ELP5: variants seen among roughly 807,000 people sequenced by gnomAD.
ELP5 encodes the protein elongator complex protein 5.
In ELP5, 34 loss-of-function variants were observed where a neutral mutation model predicts 33.4. The observed-to-expected ratio is 1.02, with a 90% CI of 0.78 to 1.36. ELP5 has a LOEUF of 1.36. Ranked by LOEUF, ELP5 falls within the 40% of genes most tolerant of loss-of-function variation. ELP5 has a pLI of 0.00. For synonymous variants in ELP5, 161 were observed against 146.4 expected, an observed-to-expected ratio of 1.10 and a Z score of -0.72; for missense variants, 373 against 371.7, an observed-to-expected ratio of 1.00 and a Z score of -0.03.
At position 7,257,005 on chromosome 17, in the gene ELP5, G is replaced by A. The variant is rs2072091004; in HGVS notation, c.558G>A (p.Leu186=). The stretch of plus-strand genomic sequence containing the variant: ...TGGGCCAGGCCTCGGCCCACATCCT[G>A]TGTCGGAGGCCCCGACAGCGCCCAA... The part of the protein sequence containing the change: ...GTMGQASAHI[L]CRRPRQRPTD... Residue 186 remains leucine, a synonymous_variant, in exon 5 of 8, where the codon CTG becomes CTA. Transcript: ENST00000396628. 1 of 1,604,912 alleles carries A rather than the reference G, an allele frequency of 6.2e-7. No individual in the cohort carries two copies. The highest frequency in any genetic ancestry group is 1.7e-5 in the Admixed American group (1 of 59,462).
At position 7,254,820 on chromosome 17, in the gene ELP5, A is replaced by G. The variant is rs2072037889; in HGVS notation, c.409+17A>G. The G allele has an allele frequency of 3.1e-6, 5 of 1,605,686 alleles. No individual in the cohort carries two copies. The highest frequency in any genetic ancestry group is 4.3e-6 in the Non-Finnish European group (5 of 1,172,722). On this transcript the variant is annotated intron_variant, in intron 4 of 7. Transcript: ENST00000396628. Reference sequence around the variant, plus strand: ...CTTGTCCTGGTGAGACCCCTCCTTCATTGTTTCCCCTCATACATCTCCCTC... The same window carrying G: ...CTTGTCCTGGTGAGACCCCTCCTTCGTTGTTTCCCCTCATACATCTCCCTC...
chr17:7,259,561 C>T lies in ELP5; in HGVS notation c.789-10C>T, dbSNP rs561746637. The stretch of plus-strand genomic sequence containing the variant: ...GCTACCCTCACCAGCACCAAATCTT[C>T]CCTTCTCAGACAGCAGGCTCTCCTG... On this transcript the variant is annotated splice_polypyrimidine_tract_variant and intron_variant, in intron 7 of 7. Transcript: ENST00000396628. 11 of 1,614,014 alleles carry T rather than the reference C, an allele frequency of 6.8e-6. No homozygotes were observed. In the African/African-American group the frequency reaches 1.3e-4, roughly 20 times the overall value.
Position 7,252,438 on chromosome 17 carries a change from C to A in ELP5, c.-113C>A. The A allele has an allele frequency of 2.0e-6, 3 of 1,512,140 alleles. No individual in the cohort carries two copies. Among genetic ancestry groups the A allele is most frequent in the Non-Finnish European group, 2.7e-6 (3 of 1,097,816 alleles). 93.7% of individuals were successfully genotyped at this position (1,512,140 alleles called of 1,614,324 possible). Reference sequence around the variant, plus strand: ...CCTCTCATTCCAGACTATGTTAGGTCTTAATGGTGGGAGGACGCCCGAGTG... The same window carrying A: ...CCTCTCATTCCAGACTATGTTAGGTATTAATGGTGGGAGGACGCCCGAGTG... On this transcript the variant is annotated 5_prime_UTR_variant, in exon 1 of 8. Transcript: ENST00000396628.
rs1303217687 is a variant in ELP5 at position 7,259,923 on chromosome 17, T to G, written c.*238T>G. Reference sequence around the variant, plus strand: ...CCCCGTACCTAATAAAAATCTTTATTTTTTTATTAAAAAAGAAGTACTTTG... The same window carrying G: ...CCCCGTACCTAATAAAAATCTTTATGTTTTTATTAAAAAAGAAGTACTTTG... On this transcript the variant is annotated 3_prime_UTR_variant, in exon 8 of 8. Transcript: ENST00000396628. 4.1e-6 allele frequency: 2 copies of G among 482,028 alleles called. No individual in the cohort carries two copies. The highest frequency in any genetic ancestry group is 7.7e-5 in the East Asian group (2 of 26,112). The allele number at this position is 482,028 out of a possible 1,614,324, so 29.9% of individuals were successfully genotyped here. A position where few individuals can be genotyped will look rare whatever the true frequency, so the allele number is the denominator to read the frequency against.
intron 4 of ELP5, chr17:7,255,035 T>C: frequency 3.5e-6 from 2 of 574,810 alleles, no homozygotes; most frequent in South Asian, 4.5e-5. Context: ...CATTCATTCA[T>C]TTAACAAATC....
Position 7,254,806 on chromosome 17 carries a change from G to A in ELP5, c.409+3G>A. 2 of 1,613,202 alleles carry A rather than the reference G, an allele frequency of 1.2e-6. No homozygotes were observed. Among genetic ancestry groups the A allele is most frequent in the Non-Finnish European group, 1.7e-6 (2 of 1,179,158 alleles). On this transcript the variant is annotated splice_donor_region_variant and intron_variant, in intron 4 of 7. Transcript: ENST00000396628. Reference sequence around the variant, plus strand: ...GAGCCATCAGGACTCTTGTCCTGGTGAGACCCCTCCTTCATTGTTTCCCCT... The same window carrying A: ...GAGCCATCAGGACTCTTGTCCTGGTAAGACCCCTCCTTCATTGTTTCCCCT...
chr17:7,252,335 T>A lies in ELP5; in HGVS notation c.-216T>A, dbSNP rs1032107076. The stretch of plus-strand genomic sequence containing the variant: ...AGTGAAAATGTAGACGGGGTCGTTG[T>A]CCGTACGACTGTGCGCCAGGGCTCG... On this transcript the variant is annotated 5_prime_UTR_variant, in exon 1 of 8. Coordinates refer to ENST00000396628, the MANE Select transcript of ELP5 (RefSeq NM_203414.3). 4.5e-6 allele frequency: 3 copies of A among 662,450 alleles called. No homozygotes were observed. Among genetic ancestry groups the A allele is most frequent in the Non-Finnish European group, 7.9e-6 (3 of 377,510 alleles). The allele number at this position is 662,450 out of a possible 1,614,324, so 41.0% of individuals were successfully genotyped here.
In ELP5 at chr17:7,256,748, T is replaced by C; in HGVS notation, c.410-109T>C. 2.6e-6 allele frequency: 3 copies of C among 1,147,512 alleles called. No homozygotes were observed. The South Asian group carries it at 4.1e-5, about 16-fold the overall frequency. 71.1% of individuals were successfully genotyped at this position (1,147,512 alleles called of 1,614,324 possible). On this transcript the variant is annotated intron_variant, in intron 4 of 7. Transcript: ENST00000396628. ...TGAGATTGGCCAAGGGACGTCAGGA[T>C]TTTGGCAGCACTGTGATGGAATTGT...
At chr17:7,252,666 C>T in intron 1 of ELP5, 70 bp downstream of exon 1, 5 of 1,600,868 alleles carry the variant, frequency 3.1e-6, no homozygotes, top group Non-Finnish European at 4.3e-6. Context: ...CGGAAGTGGG[C>T]AGGAAGGGCC....
intron 3 of ELP5, among the ~76,000 whole-genome samples, chr17:7,254,072 A>C (rs2072016842): frequency 6.6e-6 from 1 of 151,620 alleles, no homozygotes; most frequent in South Asian, 2.1e-4. Context: ...TCTGCTACCT[A>C]TGCCAGTCTC....
chr17:7,253,636 C>T (rs897234950), intron 3 of ELP5, among the ~76,000 whole-genome samples: 4 of 152,194 alleles, frequency 2.6e-5, no homozygotes, highest in African/African-American at 4.8e-5. Context: ...TAGTTTACAT[C>T]TTATCTGTTG....
intron 5 of ELP5, 21 bp from the exon 6 acceptor site, chr17:7,258,565 ACT>A (rs749015192): frequency 5.6e-6 from 9 of 1,610,462 alleles, no homozygotes; most frequent in Admixed American, 3.4e-5. Flanking sequence ...GATGAAAAAA[ACT>A]CTTTTCTTTT....
Position 7,252,343 on chromosome 17 carries a change from A to G in ELP5, c.-208A>G. ...TGTAGACGGGGTCGTTGTCCGTACG[A>G]CTGTGCGCCAGGGCTCGGGGAGGGG... On this transcript the variant is annotated 5_prime_UTR_variant, in exon 1 of 8. Coordinates refer to ENST00000396628, the MANE Select transcript of ELP5 (RefSeq NM_203414.3). 1 of 704,560 alleles carries G rather than the reference A, an allele frequency of 1.4e-6. No homozygotes were observed. Among genetic ancestry groups the G allele is most frequent in the South Asian group, 1.6e-5 (1 of 61,334 alleles). 43.6% of individuals were successfully genotyped at this position (704,560 alleles called of 1,614,324 possible).
rs5819151 is a variant in ELP5 at position 7,257,431 on chromosome 17, GTT to G, written c.591+409_591+410del. Among the ~76,000 whole-genome samples, 186 of 139,084 alleles carry G rather than the reference GTT, an allele frequency of 1.3e-3. 1 individual carries two copies. Among genetic ancestry groups the G allele is most frequent in the South Asian group, 0.013 (57 of 4,474 alleles). 91.2% of individuals were successfully genotyped at this position (139,084 alleles called of 152,430 possible). A position where few individuals can be genotyped will look rare whatever the true frequency, so the allele number is the denominator to read the frequency against. On this transcript the variant is annotated intron_variant, in intron 5 of 7. Transcript: ENST00000396628. ...CCAGGGAGGGTTTTATTCCCTTGGA[GTT>G]TTTTTTTTTTTTTTTATTGGACAAG...
At position 7,258,478 on chromosome 17, in the gene ELP5, G is replaced by A. The variant is rs945417962; in HGVS notation, c.592-110G>A. On this transcript the variant is annotated intron_variant, in intron 5 of 7. Transcript: ENST00000396628. ...AAAAAAAAAAAAGTTGAGGGCAGGA[G>A]CTGAAAGCAGTCAGTTAAATAGGTG... 20 of 1,032,570 alleles carry A rather than the reference G, an allele frequency of 1.9e-5. No individual in the cohort carries two copies. The African/African-American group carries it at 2.9e-4, about 15-fold the overall frequency. The allele number at this position is 1,032,570 out of a possible 1,614,324, so 64.0% of individuals were successfully genotyped here. A position where few individuals can be genotyped will look rare whatever the true frequency, so the allele number is the denominator to read the frequency against.
rs1223748449 is a variant in ELP5, at chr17:7,259,919, T to A, written c.*234T>A. 4 of 479,456 alleles carry A rather than the reference T, an allele frequency of 8.3e-6. No homozygotes were observed. The highest frequency in any genetic ancestry group is 2.0e-5 in the African/African-American group (1 of 50,376). 29.7% of individuals were successfully genotyped at this position (479,456 alleles called of 1,614,324 possible). ...ACACCCCCGTACCTAATAAAAATCT[T>A]TATTTTTTTATTAAAAAAGAAGTAC... On this transcript the variant is annotated 3_prime_UTR_variant, in exon 8 of 8. Coordinates refer to ENST00000396628, the MANE Select transcript of ELP5 (RefSeq NM_203414.3).
In ELP5 at chr17:7,252,355, G is replaced by C. The variant is rs753215404; in HGVS notation, c.-196G>C. On this transcript the variant is annotated 5_prime_UTR_variant, in exon 1 of 8. Coordinates refer to ENST00000396628, the MANE Select transcript of ELP5 (RefSeq NM_203414.3). ...CGTTGTCCGTACGACTGTGCGCCAG[G>C]GCTCGGGGAGGGGCGCCCTCCGCGT... The C allele has an allele frequency of 8.0e-5, 61 of 765,582 alleles. No individual in the cohort carries two copies. Among genetic ancestry groups the C allele is most frequent in the Non-Finnish European group, 1.2e-4 (53 of 457,178 alleles). 47.4% of individuals were successfully genotyped at this position (765,582 alleles called of 1,614,324 possible). A position where few individuals can be genotyped will look rare whatever the true frequency, so the allele number is the denominator to read the frequency against.
In ELP5 at chr17:7,258,917, G is replaced by A; in HGVS notation, c.779G>A (p.Ser260Asn). The A allele has an allele frequency of 6.2e-7, 1 of 1,614,180 alleles. No individual in the cohort carries two copies. Among genetic ancestry groups the A allele is most frequent in the Non-Finnish European group, 8.5e-7 (1 of 1,180,038 alleles). ...RDSLILPFQF[S>N]SEKQQALLRP... is the part of the protein sequence containing the mutation. ...AGCCTGATCCTGCCCTTCCAGTTCA[G>A]TTCTGAAAAGTAAGGTTGGGACCTG... The change falls in exon 7 of 8, where the codon AGT becomes AAT. Residue 260 changes from serine (S) to asparagine (N), a missense_variant. Coordinates refer to ENST00000396628, the MANE Select transcript of ELP5 (RefSeq NM_203414.3).
At position 7,254,540 on chromosome 17, in the gene ELP5, G is replaced by A. The variant is rs200084405; in HGVS notation, c.189-43G>A. ...AGGATGAACTTTGTGATCCTCTCGG[G>A]GGAAGGGGCAATATTATATTGTGTC... is the stretch of plus-strand genomic sequence containing the variant. On this transcript the variant is annotated intron_variant, in intron 3 of 7. Transcript: ENST00000396628. The A allele has an allele frequency of 1.2e-4, 178 of 1,445,660 alleles. No individual in the cohort carries two copies. The African/African-American group carries it at 2.4e-3, about 19-fold the overall frequency. The allele number at this position is 1,445,660 out of a possible 1,614,324, so 89.6% of individuals were successfully genotyped here.
Sources: allele counts gnomAD v4.1 joint callset (sites outside exome capture counted in the v4.1 genomes callset), GRCh38; gene constraint gnomAD v4.1.1; transcripts MANE v1.5; gene names NCBI Gene and HGNC (gene_info 2026-07-23, HGNC 2026-07-21).